The following PTPN22 variants were observed in gnomAD, a reference collection of about 807,000 sequenced individuals.
PTPN22 encodes the protein tyrosine-protein phosphatase non-receptor type 22.
In PTPN22, 85 loss-of-function variants were observed where a neutral mutation model predicts 103.3. The observed-to-expected ratio is 0.82, with a 90% CI of 0.69 to 0.99. PTPN22 has a LOEUF of 0.99. Ranked by LOEUF, PTPN22 falls within the 50% of genes least tolerant of loss-of-function variation. The pLI is 0.00. For missense variants in PTPN22, 865 were observed against 936.9 expected, an observed-to-expected ratio of 0.92 and a Z score of 1.00; for synonymous variants, 323 against 310.2, an observed-to-expected ratio of 1.04 and a Z score of -0.43.
chr1:113,851,573 T>C (rs1664575020), intron 10 of PTPN22, among the ~76,000 whole-genome samples: 1 of 152,218 alleles, frequency 6.6e-6, no homozygotes, highest in African/African-American at 2.4e-5. Context: ...TATTTTTCAG[T>C]GTTTCCTAAA....
At chr1:113,863,311 T>C (rs1665783985) in intron 1 of PTPN22, among the ~76,000 whole-genome samples, 1 of 152,226 alleles carries the variant, frequency 6.6e-6, no homozygotes, top group African/African-American at 2.4e-5. Flanking sequence ...CAGGCTGGTC[T>C]TGAACTCTTG....
chr1:113,859,309 AT>A (rs772829933), intron 2 of PTPN22, 42 bp downstream of exon 2: 23 of 1,575,896 alleles, frequency 1.5e-5, no homozygotes, highest in Non-Finnish European at 2.0e-5. Flanking sequence ...TAATGATTGA[AT>A]TTGGGAGAAA....
intron 1 of PTPN22, among the ~76,000 whole-genome samples, chr1:113,868,494 CACT>C (rs1338000364): frequency 6.6e-6 from 1 of 152,152 alleles, no homozygotes. Flanking sequence ...TAGCCTCATT[CACT>C]ACTCCTCTAC....
chr1:113,837,709 G>A (rs1663142711), exon 13 of PTPN22: 6 of 1,609,218 alleles, frequency 3.7e-6, no homozygotes, highest in Non-Finnish European at 5.1e-6. Flanking sequence ...CAACAGAGAA[G>A]AAGGAAAAAC....
At chr1:113,835,186 G>A (rs1662874713) in intron 13 of PTPN22, among the ~76,000 whole-genome samples, 193 bp from the exon 14 acceptor site, 1 of 152,122 alleles carries the variant, frequency 6.6e-6, no homozygotes, top group Non-Finnish European at 1.5e-5. Context: ...ACAAACCCAG[G>A]AGGTTTTTGC....
chr1:113,823,505 C>G (rs1348199611), intron 19 of PTPN22: 1 of 152,192 alleles, frequency 6.6e-6, no homozygotes, highest in Non-Finnish European at 1.5e-5. Flanking sequence ...ATCAAGGTAA[C>G]TGAAAAATAC....
intron 20 of PTPN22, among the ~76,000 whole-genome samples, chr1:113,817,251 G>A (rs1331652151): frequency 6.6e-6 from 1 of 152,188 alleles, no homozygotes; most frequent in Admixed American, 6.5e-5. Context: ...TTTTAGGAAT[G>A]CATATATTTG....
At chr1:113,853,639 A>G (rs1379884217) in intron 9 of PTPN22, among the ~76,000 whole-genome samples, 3 of 151,004 alleles carry the variant, frequency 2.0e-5, no homozygotes, top group African/African-American at 7.3e-5. Flanking sequence ...GTGAGCCACC[A>G]TGCCCGGCCA....
chr1:113,816,851 G>C (rs1270711091), intron 20 of PTPN22, among the ~76,000 whole-genome samples: 12 of 152,226 alleles, frequency 7.9e-5, no homozygotes, highest in Non-Finnish European at 1.8e-4. Flanking sequence ...TGAGGTTACA[G>C]TGAGCTGAGA....
intron 11 of PTPN22, among the ~76,000 whole-genome samples, chr1:113,847,861 C>G (rs1386458582): frequency 1.3e-5 from 2 of 151,854 alleles, no homozygotes; most frequent in Middle Eastern, 3.2e-3. Flanking sequence ...CTTGGCCTCC[C>G]AAAGTGCTGG....
At chr1:113,836,433 A>G (rs1204488906) in intron 13 of PTPN22, among the ~76,000 whole-genome samples, 2 of 152,256 alleles carry the variant, frequency 1.3e-5, no homozygotes, top group East Asian at 3.8e-4. Flanking sequence ...ACAAAATACT[A>G]AACATGTATT....
At chr1:113,819,262 A>G (rs563026533) in intron 20 of PTPN22, 1 of 163,520 alleles carries the variant, frequency 6.1e-6, no homozygotes, top group Non-Finnish European at 1.3e-5. Flanking sequence ...TTTTTTATAA[A>G]TTTGCTTTAG....
At chr1:113,867,143 A>T (rs1666188228) in intron 1 of PTPN22, among the ~76,000 whole-genome samples, 1 of 152,376 alleles carries the variant, frequency 6.6e-6, no homozygotes, top group Middle Eastern at 3.4e-3. Context: ...TAACAATAAT[A>T]AGGAACGTTT....
intron 13 of PTPN22, among the ~76,000 whole-genome samples, chr1:113,836,772 A>G (rs1387324887): frequency 6.6e-6 from 1 of 151,992 alleles, no homozygotes; most frequent in African/African-American, 2.4e-5. Flanking sequence ...TAAAAAAAAA[A>G]AAAATTAGCC....
intron 20 of PTPN22, among the ~76,000 whole-genome samples, chr1:113,815,205 G>T (rs1487312389): frequency 2.0e-5 from 3 of 151,904 alleles, no homozygotes; most frequent in Non-Finnish European, 4.4e-5. Context: ...ATTTAATAAT[G>T]GTAATAATAG....
intron 19 of PTPN22, among the ~76,000 whole-genome samples, chr1:113,820,283 G>A (rs1032264657): frequency 7.2e-5 from 11 of 151,762 alleles, no homozygotes; most frequent in African/African-American, 1.5e-4. Context: ...GTGAAACCCC[G>A]TCTCTACTAA....
chr1:113,850,272 GGAAA>G lies in PTPN22; in HGVS notation c.829-1650_829-1647del, dbSNP rs1232396836. The stretch of plus-strand genomic sequence containing the variant: ...AGGAAGGAAGGAAGGAAGGAAGGAA[GGAAA>G]GAAAGGAAGAAAAAGAAAAATCAGA... On this transcript the variant is annotated intron_variant, in intron 10 of 20. Transcript: ENST00000359785. 2.3e-3 allele frequency among the ~76,000 whole-genome samples: 298 copies of G among 132,174 alleles called. 2 individuals carry two copies. Among genetic ancestry groups the G allele is most frequent in the Non-Finnish European group, 3.5e-3 (214 of 61,338 alleles). 86.7% of individuals were successfully genotyped at this position (132,174 alleles called of 152,430 possible).
rs74163661 is a variant in PTPN22 at position 113,834,384 on chromosome 1, A to G, written c.1950T>C (p.Ile650=). ...TTCCACCCCATTCCAGTGATGTTCC[A>G]ATTTTTACCTTCACAGCTGAGGATA... The change falls in exon 15 of 21, where the codon ATT becomes ATC. Residue 650 remains isoleucine (I), a synonymous_variant. Transcript: ENST00000359785. 30 of 1,613,618 alleles carry G rather than the reference A, an allele frequency of 1.9e-5. No individual in the cohort carries two copies. In the East Asian group the frequency reaches 3.3e-4, roughly 18 times the overall value.
intron 20 of PTPN22, 103 bp downstream of exon 20, chr1:113,819,474 C>A: frequency 1.3e-6 from 1 of 743,082 alleles, no homozygotes; most frequent in South Asian, 2.3e-5. Flanking sequence ...AACATAAGGA[C>A]CTATACATGC....
Sources: allele counts gnomAD v4.1 joint callset (sites outside exome capture counted in the v4.1 genomes callset), GRCh38; gene constraint gnomAD v4.1.1; transcripts MANE v1.5; gene names NCBI Gene and HGNC (gene_info 2026-07-23, HGNC 2026-07-21).